FKBP5: variants seen among roughly 807,000 people sequenced by gnomAD.
FKBP5 encodes the protein FKBP prolyl isomerase 5.
FKBP5 carries 23 observed loss-of-function variants against 50.5 expected under a neutral mutation model. The observed-to-expected ratio is 0.46, with a 90% CI of 0.33 to 0.65. FKBP5 has a LOEUF of 0.65. Ranked by LOEUF, FKBP5 falls within the 30% of genes least tolerant of loss-of-function variation. The probability of loss-of-function intolerance (pLI) is 0.02; values close to 1 mark genes in which losing one functional copy is unlikely to be tolerated. For synonymous variants in FKBP5, 176 were observed against 190.6 expected (o/e 0.92, Z 0.63); for missense variants, 411 against 553.1 (o/e 0.74, Z 2.58).
At chr6:35,701,293 G>C (rs1374757745) in intron 2 of FKBP5, among the ~76,000 whole-genome samples, 1 of 149,162 alleles carries the variant, frequency 6.7e-6, no homozygotes, top group Non-Finnish European at 1.5e-5. Context: ...GCCCAGGCTG[G>C]AGTGCAGTGG....
At chr6:35,715,988 C>T (rs1011598572) in intron 2 of FKBP5, among the ~76,000 whole-genome samples, 1 of 152,078 alleles carries the variant, frequency 6.6e-6, no homozygotes, top group African/African-American at 2.4e-5. Context: ...CAAGAATAAC[C>T]CATGCGATAT....
intron 1 of FKBP5, among the ~76,000 whole-genome samples, chr6:35,686,572 T>G (rs929908609): frequency 6.6e-6 from 1 of 152,312 alleles, no homozygotes; most frequent in East Asian, 1.9e-4. Context: ...ACTATTTACA[T>G]AGAATAAGCC....
At chr6:35,627,593 A>G (rs548208493) in intron 3 of FKBP5, among the ~76,000 whole-genome samples, 1 of 152,200 alleles carries the variant, frequency 6.6e-6, no homozygotes, top group South Asian at 2.1e-4. Flanking sequence ...TTACTGTTTG[A>G]TGCACAAAAG....
rs909225954 is a variant in FKBP5 at position 35,638,708 on chromosome 6, G to A, written c.106-1550C>T. On this transcript the variant is annotated intron_variant, in intron 2 of 10. Coordinates refer to ENST00000357266, the MANE Select transcript of FKBP5 (RefSeq NM_004117.4). ...GCTGAGATTACTGGTATAAGCTATC[G>A]CACCCAGCCCCAAATATTCTTTAAA... Among the ~76,000 whole-genome samples, 8 of 152,008 alleles carry A rather than the reference G, an allele frequency of 5.3e-5. No homozygotes were observed. The East Asian group carries it at 1.2e-3, about 22-fold the overall frequency.
intron 8 of FKBP5, 87 bp from the exon 9 acceptor site, chr6:35,580,308 A>G: frequency 2.0e-6 from 2 of 1,024,114 alleles, no homozygotes; most frequent in Non-Finnish European, 3.0e-6. Flanking sequence ...CAACCCCTCC[A>G]GCAAACCCTG....
intron 7 of FKBP5, among the ~76,000 whole-genome samples, chr6:35,590,110 C>A (rs954341018): frequency 6.6e-6 from 1 of 152,142 alleles, no homozygotes; most frequent in African/African-American, 2.4e-5. Context: ...CCAGCTGGGG[C>A]AACACAGTGA....
chr6:35,601,608 T>A (rs541708841), intron 5 of FKBP5, among the ~76,000 whole-genome samples: 8 of 152,330 alleles, frequency 5.3e-5, no homozygotes, highest in Non-Finnish European at 1.0e-4. Flanking sequence ...CCATGGCAGC[T>A]CTGGCTGTGG....
intron 5 of FKBP5, among the ~76,000 whole-genome samples, chr6:35,608,171 C>T (rs895204781): frequency 2.0e-5 from 3 of 151,954 alleles, no homozygotes; most frequent in Non-Finnish European, 4.4e-5. Context: ...GAGCTAAACC[C>T]TGAGTATACA....
At chr6:35,615,813 T>G (rs1347945595) in intron 5 of FKBP5, among the ~76,000 whole-genome samples, 1 of 152,224 alleles carries the variant, frequency 6.6e-6, no homozygotes, top group African/African-American at 2.4e-5. Context: ...ATAGTAACGT[T>G]GCAGTAGTGA....
chr6:35,578,628 TGTG>T (rs201157926), intron 9 of FKBP5, among the ~76,000 whole-genome samples: 1,633 of 151,794 alleles, frequency 0.011, 13 homozygotes, highest in Non-Finnish European at 0.019. Flanking sequence ...ATTAGCCTGG[TGTG>T]GTGGTCGGCA....
chr6:35,624,345 A>C (rs1763931608), intron 3 of FKBP5, among the ~76,000 whole-genome samples: 1 of 151,830 alleles, frequency 6.6e-6, no homozygotes, highest in South Asian at 2.1e-4. Flanking sequence ...AATACTTCAA[A>C]ATTTTGTCTG....
intron 1 of FKBP5, among the ~76,000 whole-genome samples, chr6:35,657,392 C>T (rs1764985503): frequency 6.6e-6 from 1 of 152,154 alleles, no homozygotes; most frequent in South Asian, 2.1e-4. Flanking sequence ...CATCTCCTGG[C>T]TTTTTCCACA....
chr6:35,716,772 A>AG (rs34618058), intron 2 of FKBP5, among the ~76,000 whole-genome samples: 39,363 of 152,014 alleles, frequency 0.26, 5,283 homozygotes, highest in South Asian at 0.35. Context: ...GCTGCCCTGG[A>AG]GGAGTCTGGG....
intron 1 of FKBP5, among the ~76,000 whole-genome samples, chr6:35,684,014 G>A (rs961836424): frequency 1.3e-5 from 2 of 151,942 alleles, no homozygotes; most frequent in Non-Finnish European, 2.9e-5. Flanking sequence ...AGACTGTACC[G>A]CTGCACTCCA....
intron 8 of FKBP5, chr6:35,581,295 T>C (rs1032748838): frequency 4.5e-6 from 2 of 447,466 alleles, no homozygotes; most frequent in African/African-American, 4.3e-5. Context: ...AATATATATA[T>C]ATATACATGC....
At position 35,675,779 on chromosome 6, in the gene FKBP5, T is replaced by A. The variant is rs185752232; in HGVS notation, c.-20+13025A>T. Among the ~76,000 whole-genome samples the A allele has an allele frequency of 2.0e-5, 3 of 152,314 alleles. No homozygotes were observed. The East Asian group carries it at 5.8e-4, about 29-fold the overall frequency. ...CATTATGACTTCAGGATCAAACTTT[T>A]ATCAGTGCAAAAGTCATCATCATCG... On this transcript the variant is annotated intron_variant, in intron 1 of 10. Coordinates refer to ENST00000357266, the MANE Select transcript of FKBP5 (RefSeq NM_004117.4).
At chr6:35,703,231 C>G (rs1766223434) in intron 2 of FKBP5, among the ~76,000 whole-genome samples, 1 of 150,748 alleles carries the variant, frequency 6.6e-6, no homozygotes, top group Non-Finnish European at 1.5e-5. Flanking sequence ...GCCTGGGCAA[C>G]AAGAGCAAGA....
chr6:35,627,400 C>T (rs1764033081), intron 3 of FKBP5, among the ~76,000 whole-genome samples: 1 of 152,160 alleles, frequency 6.6e-6, no homozygotes, highest in African/African-American at 2.4e-5. Context: ...ACCTAGGTCT[C>T]CCAAAATGCT....
intron 3 of FKBP5, among the ~76,000 whole-genome samples, chr6:35,627,108 G>A (rs1252392977): frequency 6.6e-6 from 1 of 152,036 alleles, no homozygotes; most frequent in African/African-American, 2.4e-5. Context: ...AGCGCATAAG[G>A]GTTCCAATTT....
Sources: gnomAD v4.1 joint callset for allele counts (sites outside exome capture counted in the v4.1 genomes callset) on GRCh38, gnomAD v4.1.1 for gene constraint, MANE v1.5 for transcripts, NCBI Gene and HGNC (gene_info 2026-07-23, HGNC 2026-07-21) for gene names.